The following ANKRD11 variants were observed in gnomAD, a reference collection of about 807,000 sequenced individuals.
ANKRD11 encodes the protein ankyrin repeat domain 11.
In ANKRD11, 17 loss-of-function variants were observed where a neutral mutation model predicts 195.7. The observed-to-expected ratio is 0.09, with a 90% CI of 0.06 to 0.13. The LOEUF is 0.13. Among genes scored for constraint, ANKRD11 ranks in the 10% least tolerant of loss-of-function variants. The pLI is 1.00. For synonymous variants in ANKRD11, 1,953 were observed against 1,528.1 expected (o/e 1.28, Z -6.49); for missense variants, 3,735 against 3,566.1 (o/e 1.05, Z -1.21).
chr16:89,482,780 G>C (rs1055736549), intron 1 of ANKRD11, among the ~76,000 whole-genome samples: 1 of 152,136 alleles, frequency 6.6e-6, no homozygotes, highest in East Asian at 1.9e-4. Flanking sequence ...CAACAGAGCC[G>C]AGACTCTCCA....
chr16:89,416,866 A>G, intron 2 of ANKRD11, among the ~76,000 whole-genome samples: 1 of 152,034 alleles, frequency 6.6e-6, no homozygotes, highest in Non-Finnish European at 1.5e-5. Context: ...GGCACAGCTC[A>G]GACCCTGGGG....
chr16:89,390,410 C>T (rs1486706056), intron 2 of ANKRD11, among the ~76,000 whole-genome samples: 3 of 152,036 alleles, frequency 2.0e-5, no homozygotes, highest in Non-Finnish European at 2.9e-5. Context: ...CCGAGTGTGG[C>T]GTGGGTGAGG....
intron 5 of ANKRD11, 71 bp downstream of exon 5, chr16:89,290,942 G>C: frequency 6.2e-7 from 1 of 1,609,844 alleles, no homozygotes; most frequent in Non-Finnish European, 8.5e-7. Flanking sequence ...CTTGTCCTCA[G>C]CACAGCCATG....
chr16:89,398,565 T>A (rs2041562374), intron 2 of ANKRD11, among the ~76,000 whole-genome samples: 3 of 152,162 alleles, frequency 2.0e-5, no homozygotes, highest in South Asian at 4.1e-4. Flanking sequence ...AAAAAATTTT[T>A]TTTTAACAAA....
chr16:89,292,768 G>A (rs902544324), intron 4 of ANKRD11, among the ~76,000 whole-genome samples: 1 of 152,202 alleles, frequency 6.6e-6, no homozygotes, highest in Non-Finnish European at 1.5e-5. Flanking sequence ...CCTCGCCACC[G>A]GCCAATGAGC....
intron 2 of ANKRD11, among the ~76,000 whole-genome samples, chr16:89,382,990 G>A (rs2040729360): frequency 6.6e-6 from 1 of 152,224 alleles, no homozygotes; most frequent in African/African-American, 2.4e-5. Flanking sequence ...ACAGGCGTGA[G>A]CCACCGTGCC....
intron 2 of ANKRD11, among the ~76,000 whole-genome samples, chr16:89,407,917 C>CA (rs1385974288): frequency 6.6e-6 from 1 of 150,848 alleles, no homozygotes. Context: ...TAGTAAAACT[C>CA]AGTCTTCCAT....
chr16:89,294,025 C>T (rs1479567400), intron 4 of ANKRD11, among the ~76,000 whole-genome samples: 1 of 152,144 alleles, frequency 6.6e-6, no homozygotes, highest in Non-Finnish European at 1.5e-5. Flanking sequence ...GCAGCTCACA[C>T]CCAACATGTG....
rs60214636 is a variant in ANKRD11, at chr16:89,295,985, C to CTTTTTTT, written c.227-4809_227-4803dup. 2.8e-3 allele frequency among the ~76,000 whole-genome samples: 125 copies of CTTTTTTT among 45,142 alleles called. 41 individuals carry two copies. Among genetic ancestry groups the CTTTTTTT allele is most frequent in the African/African-American group, 7.0e-3 (67 of 9,522 alleles). 29.6% of individuals were successfully genotyped at this position (45,142 alleles called of 152,430 possible). On this transcript the variant is annotated intron_variant, in intron 4 of 12. Coordinates refer to ENST00000301030, the MANE Select transcript of ANKRD11 (RefSeq NM_013275.6). ...GGGAGTGTCTTCTCTATCTGGCTGC[C>CTTTTTTT]TTTTTTTTTTTTTTTTTTTTTGAGA... is the stretch of plus-strand genomic sequence containing the variant.
chr16:89,359,939 C>G (rs562259490), intron 2 of ANKRD11, among the ~76,000 whole-genome samples: 1 of 151,760 alleles, frequency 6.6e-6, no homozygotes, highest in African/African-American at 2.4e-5. Flanking sequence ...TGAGGGTGTA[C>G]TACATAAGTA....
chr16:89,343,283 G>A (rs528665560), intron 2 of ANKRD11, among the ~76,000 whole-genome samples: 3 of 152,296 alleles, frequency 2.0e-5, no homozygotes, highest in East Asian at 3.9e-4. Flanking sequence ...GTGAGCCACC[G>A]CACTGGGCCT....
chr16:89,407,170 A>T (rs2041938385), intron 2 of ANKRD11, among the ~76,000 whole-genome samples: 1 of 151,864 alleles, frequency 6.6e-6, no homozygotes, highest in African/African-American at 2.4e-5. Flanking sequence ...GGGCAACAAG[A>T]GCGAAACCCC....
chr16:89,281,688 G>T lies in ANKRD11; in HGVS notation c.4854C>A (p.Pro1618=). Residue 1618 remains proline, a synonymous_variant, in exon 9 of 13, where the codon CCC becomes CCA. Coordinates refer to ENST00000301030, the MANE Select transcript of ANKRD11 (RefSeq NM_013275.6). The surrounding 1 kb of genome is among the most constrained non-coding windows in gnomAD (Gnocchi z 5.5). ...MEKLRHRSGD[P]KLKEKAKPAD... is the part of the protein sequence containing the mutation. ...CCGGCTTCGCCTTCTCCTTGAGCTT[G>T]GGGTCTCCGGACCGGTGCCTCAGCT... is the stretch of plus-strand genomic sequence containing the variant. The T allele has an allele frequency of 6.2e-7, 1 of 1,614,106 alleles. No individual in the cohort carries two copies. The highest frequency in any genetic ancestry group is 8.5e-7 in the Non-Finnish European group (1 of 1,180,018).
chr16:89,286,886 G>A (rs1396207325), intron 7 of ANKRD11: 1 of 1,289,058 alleles, frequency 7.8e-7, no homozygotes, highest in Non-Finnish European at 1.0e-6. Flanking sequence ...AGTCCAGTCT[G>A]AGATTAGCGC....
At chr16:89,311,822 G>C (rs1370925852) in intron 3 of ANKRD11, among the ~76,000 whole-genome samples, 1 of 152,130 alleles carries the variant, frequency 6.6e-6, no homozygotes, top group African/African-American at 2.4e-5. Context: ...GGATTTTCTT[G>C]GCTTTTTCTT....
chr16:89,384,374 T>C (rs1036919327), intron 2 of ANKRD11, among the ~76,000 whole-genome samples: 1 of 151,820 alleles, frequency 6.6e-6, no homozygotes, highest in Non-Finnish European at 1.5e-5. Context: ...CTATGAAAAA[T>C]ACAAAAATTA....
In ANKRD11 at chr16:89,478,725, C is replaced by T. The variant is rs554188645; in HGVS notation, c.-145+11520G>A. ...CCACTAAAGCGGGTGGCAGTTTCTG[C>T]CCGTGACATTTCTCATTAGGACTTT... On this transcript the variant is annotated intron_variant, in intron 1 of 12. Coordinates refer to ENST00000301030, the MANE Select transcript of ANKRD11 (RefSeq NM_013275.6). 1.4e-4 allele frequency among the ~76,000 whole-genome samples: 21 copies of T among 152,370 alleles called. No individual in the cohort carries two copies. The South Asian group carries it at 4.3e-3, about 32-fold the overall frequency.
intron 1 of ANKRD11, among the ~76,000 whole-genome samples, chr16:89,487,540 C>A (rs2057661214): frequency 6.6e-6 from 1 of 152,150 alleles, no homozygotes; most frequent in Non-Finnish European, 1.5e-5. Flanking sequence ...CTTTGGGAGG[C>A]CAAGGCAGGT....
intron 2 of ANKRD11, among the ~76,000 whole-genome samples, chr16:89,317,525 C>T (rs2037038517): frequency 6.6e-6 from 1 of 152,158 alleles, no homozygotes; most frequent in Non-Finnish European, 1.5e-5. Flanking sequence ...GTCCACAGCC[C>T]CAGCCTCACG....
Sources: gnomAD v4.1 joint callset for allele counts (sites outside exome capture counted in the v4.1 genomes callset) on GRCh38, gnomAD v4.1.1 for gene constraint, Gnocchi (gnomAD v3.1) non-coding constraint, MANE v1.5 for transcripts, NCBI Gene and HGNC (gene_info 2026-07-23, HGNC 2026-07-21) for gene names.